The following PGM5 variants were observed in gnomAD, a reference collection of about 807,000 sequenced individuals.
PGM5 encodes phosphoglucomutase-like protein 5.
A neutral mutation model predicts 59.2 loss-of-function variants in PGM5; 23 were observed. That is an observed-to-expected ratio of 0.39 (90% CI 0.28 to 0.55). The LOEUF is 0.55. Ranked by LOEUF, PGM5 falls within the 20% of genes least tolerant of loss-of-function variation. The pLI is 0.66. For missense variants in PGM5, 574 were observed against 748.3 expected (o/e 0.77, Z 2.72); for synonymous variants, 214 against 286.0 (o/e 0.75, Z 2.54).
intron 6 of PGM5, among the ~76,000 whole-genome samples, chr9:68,453,317 G>A (rs61145814): frequency 0.024 from 3,626 of 152,076 alleles, 130 homozygotes; most frequent in African/African-American, 0.08. Flanking sequence ...ATCCACCATC[G>A]CTTAATTTTA....
chr9:68,410,213 CTT>C (rs1318033993), intron 6 of PGM5, among the ~76,000 whole-genome samples: 1 of 152,232 alleles, frequency 6.6e-6, no homozygotes, highest in Non-Finnish European at 1.5e-5. Context: ...ATAGTTGACA[CTT>C]TTGCATATAT....
rs565237639 is a variant in PGM5 at position 68,356,657 on chromosome 9, C to A, written c.-471C>A. ...GACGGGCCGGGCGCCGGAGAGGAAC[C>A]CGGACTCTGCCCAAAGTCTCGCCGC... On this transcript the variant is annotated 5_prime_UTR_variant, in exon 1 of 11. Transcript: ENST00000396396. Among the ~76,000 whole-genome samples the A allele has an allele frequency of 2.4e-4, 37 of 152,414 alleles. No individual in the cohort carries two copies. In the South Asian group the frequency reaches 7.7e-3, roughly 32 times the overall value.
intron 1 of PGM5, among the ~76,000 whole-genome samples, chr9:68,367,450 A>C (rs1554676791): frequency 6.6e-6 from 1 of 152,194 alleles, no homozygotes; most frequent in Non-Finnish European, 1.5e-5. Context: ...CTCCACGCTA[A>C]TCTGCTGAGT....
At chr9:68,491,440 T>A (rs1554687857) in intron 9 of PGM5, among the ~76,000 whole-genome samples, 2 of 152,230 alleles carry the variant, frequency 1.3e-5, no homozygotes, top group Non-Finnish European at 2.9e-5. Flanking sequence ...GATAAAGAGC[T>A]AAGGTTTCCT....
chr9:68,405,726 C>T (rs569385080), intron 6 of PGM5: 1 of 153,290 alleles, frequency 6.5e-6, no homozygotes, highest in Admixed American at 6.5e-5. Context: ...TTGCCTACCT[C>T]TCACATTTCC....
At chr9:68,431,629 G>A (rs1488343655) in intron 6 of PGM5, among the ~76,000 whole-genome samples, 1 of 152,192 alleles carries the variant, frequency 6.6e-6, no homozygotes, top group Non-Finnish European at 1.5e-5. Flanking sequence ...AACCTCAGGA[G>A]ATAAAATCAC....
chr9:68,466,238 G>A, intron 7 of PGM5: 1 of 1,148,118 alleles, frequency 8.7e-7, no homozygotes, highest in South Asian at 1.7e-5. Flanking sequence ...TGATGAGCCT[G>A]TTGAAGGAAT....
At chr9:68,498,973 T>G in intron 9 of PGM5, 1 of 419,106 alleles carries the variant, frequency 2.4e-6, no homozygotes, top group Non-Finnish European at 4.3e-6. Flanking sequence ...AGAACTTGAG[T>G]ATCTGTTCAC....
At chr9:68,495,396 A>T (rs1251297292) in intron 9 of PGM5, among the ~76,000 whole-genome samples, 1 of 152,234 alleles carries the variant, frequency 6.6e-6, no homozygotes, top group African/African-American at 2.4e-5. Context: ...CCTGGCAGCC[A>T]TATCGAAAAG....
At chr9:68,412,987 A>G (rs1822959709) in intron 6 of PGM5, among the ~76,000 whole-genome samples, 1 of 152,180 alleles carries the variant, frequency 6.6e-6, no homozygotes, top group Non-Finnish European at 1.5e-5. Context: ...AATTTGCTCC[A>G]ACATCAACAA....
intron 8 of PGM5, among the ~76,000 whole-genome samples, chr9:68,480,020 C>T (rs982753346): frequency 1.3e-5 from 2 of 152,058 alleles, no homozygotes; most frequent in Admixed American, 1.3e-4. Context: ...GGGGTGGTGT[C>T]AAAGGCTACC....
chr9:68,504,900 T>G (rs1824631537), intron 10 of PGM5, among the ~76,000 whole-genome samples: 1 of 152,190 alleles, frequency 6.6e-6, no homozygotes, highest in South Asian at 2.1e-4. Context: ...AGCCCAATTA[T>G]ATCACACAGG....
chr9:68,492,753 C>A (rs1298787570), intron 9 of PGM5, among the ~76,000 whole-genome samples: 1 of 152,176 alleles, frequency 6.6e-6, no homozygotes, highest in African/African-American at 2.4e-5. Flanking sequence ...TCACAGCTAA[C>A]TCTATGAATT....
chr9:68,383,245 A>C (rs1256453001), intron 2 of PGM5, among the ~76,000 whole-genome samples: 2 of 152,056 alleles, frequency 1.3e-5, no homozygotes, highest in African/African-American at 2.4e-5. Context: ...GTCCAACAGA[A>C]AAATATTGTG....
intron 7 of PGM5, among the ~76,000 whole-genome samples, chr9:68,465,774 C>T (rs183436172): frequency 2.0e-4 from 31 of 152,218 alleles, no homozygotes; most frequent in Admixed American, 1.1e-3. Context: ...TCCAAGAAGT[C>T]GGATTTAATT....
chr9:68,470,275 G>A (rs1213519144), intron 7 of PGM5, among the ~76,000 whole-genome samples: 1 of 152,124 alleles, frequency 6.6e-6, no homozygotes, highest in Non-Finnish European at 1.5e-5. Context: ...GTGATCTTTT[G>A]TATGCACCAA....
intron 6 of PGM5, among the ~76,000 whole-genome samples, chr9:68,442,878 TA>T (rs1474915115): frequency 6.6e-6 from 1 of 152,186 alleles, no homozygotes; most frequent in African/African-American, 2.4e-5. Flanking sequence ...TTAGAATTGC[TA>T]AAATAAAAAT....
At chr9:68,365,032 C>T (rs1310437018) in intron 1 of PGM5, among the ~76,000 whole-genome samples, 3 of 152,096 alleles carry the variant, frequency 2.0e-5, no homozygotes, top group Admixed American at 6.6e-5. Flanking sequence ...CTCTTTGAGC[C>T]TTTTGTGAAC....
intron 6 of PGM5, among the ~76,000 whole-genome samples, chr9:68,419,337 A>T (rs144414973): frequency 6.6e-6 from 1 of 152,108 alleles, no homozygotes; most frequent in African/African-American, 2.4e-5. Flanking sequence ...TGGCCATTTT[A>T]TGGGCAAAAC....
Sources: allele counts gnomAD v4.1 joint callset (sites outside exome capture counted in the v4.1 genomes callset), GRCh38; gene constraint gnomAD v4.1.1; transcripts MANE v1.5; gene names NCBI Gene and HGNC (gene_info 2026-07-23, HGNC 2026-07-21).